The following PIP5K1B variants were observed in gnomAD, a reference collection of about 807,000 sequenced individuals.
The protein encoded by PIP5K1B is phosphatidylinositol 4-phosphate 5-kinase type-1 beta.
Under a neutral mutation model 67.0 loss-of-function variants are expected in PIP5K1B, and 42 were observed. That is an observed-to-expected ratio of 0.63 (90% CI 0.49 to 0.81). PIP5K1B has a LOEUF of 0.81. Among genes scored for constraint, PIP5K1B ranks in the 30% least tolerant of loss-of-function variants. The pLI, the probability that PIP5K1B is intolerant of heterozygous loss-of-function variation, is 0.00. For synonymous variants in PIP5K1B, 214 were observed against 231.4 expected (o/e 0.92, Z 0.68); for missense variants, 459 against 646.3 (o/e 0.71, Z 3.14).
intron 8 of PIP5K1B, among the ~76,000 whole-genome samples, chr9:68,898,833 T>C (rs756929767): frequency 2.6e-5 from 4 of 152,210 alleles, no homozygotes; most frequent in Non-Finnish European, 5.9e-5. Context: ...ACCGTGGTTA[T>C]TCATCACCTG....
chr9:68,933,099 C>CA (rs200948074), intron 12 of PIP5K1B, among the ~76,000 whole-genome samples: 8,914 of 97,934 alleles, frequency 0.091, 355 homozygotes, highest in African/African-American at 0.16. Context: ...AACTCCGTCT[C>CA]AAAAAAAAAA....
chr9:68,785,579 C>T (rs1053587006), intron 2 of PIP5K1B, among the ~76,000 whole-genome samples: 2 of 152,176 alleles, frequency 1.3e-5, no homozygotes, highest in Non-Finnish European at 2.9e-5. Flanking sequence ...GTTCTAAGTG[C>T]TAAGCAAATA....
Position 68,750,075 on chromosome 9 carries a change from A to G in PIP5K1B, c.-86+7418A>G, listed in dbSNP as rs545279583. Among the ~76,000 whole-genome samples, 15 of 152,384 alleles carry G rather than the reference A, an allele frequency of 9.8e-5. 1 individual carries two copies. In the South Asian group the frequency reaches 2.7e-3, roughly 27 times the overall value. On this transcript the variant is annotated intron_variant, in intron 2 of 15. Transcript: ENST00000265382. ...ATGATGTAATATGTGTAAAGGCTTCAGAACAGTGCCTGGCAAATTGCAAAG... is the reference window on the plus strand; with the variant it reads ...ATGATGTAATATGTGTAAAGGCTTCGGAACAGTGCCTGGCAAATTGCAAAG...
intron 3 of PIP5K1B, chr9:68,822,338 A>AG (rs757638282): frequency 1.1e-3 from 270 of 236,024 alleles, no homozygotes; most frequent in Middle Eastern, 2.8e-3. Flanking sequence ...AAAAAAAAAA[A>AG]GCTTTGTAGA....
chr9:68,849,429 G>A (rs538645385), intron 4 of PIP5K1B, among the ~76,000 whole-genome samples: 2 of 152,298 alleles, frequency 1.3e-5, no homozygotes, highest in South Asian at 4.1e-4. Context: ...AACCCAGGCT[G>A]AAGTGCAGCG....
At chr9:68,882,122 C>T (rs1020771154) in intron 6 of PIP5K1B, among the ~76,000 whole-genome samples, 1 of 152,194 alleles carries the variant, frequency 6.6e-6, no homozygotes, top group South Asian at 2.1e-4. Context: ...TACATTAGAA[C>T]AGCTTGCACA....
chr9:68,754,321 C>T (rs1476838575), intron 2 of PIP5K1B, among the ~76,000 whole-genome samples: 2 of 151,816 alleles, frequency 1.3e-5, no homozygotes, highest in Non-Finnish European at 2.9e-5. Context: ...AGGCGCCCGC[C>T]ACCATGCCTG....
chr9:68,939,249 T>C (rs546843827), intron 13 of PIP5K1B, among the ~76,000 whole-genome samples: 19 of 152,324 alleles, frequency 1.2e-4, no homozygotes, highest in Admixed American at 3.3e-4. Context: ...CCCAATGATG[T>C]GTGACCTGAG....
chr9:68,776,298 A>G (rs1377487514), intron 2 of PIP5K1B, among the ~76,000 whole-genome samples: 5 of 152,180 alleles, frequency 3.3e-5, no homozygotes, highest in Non-Finnish European at 5.9e-5. Context: ...ATAGTGAAAA[A>G]TTGCCCTCAG....
chr9:68,918,960 AATAC>A (rs1488045782), intron 9 of PIP5K1B, among the ~76,000 whole-genome samples: 6 of 152,222 alleles, frequency 3.9e-5, no homozygotes, highest in Admixed American at 3.9e-4. Context: ...TTGACTAATA[AATAC>A]ATACACACAC....
intron 1 of PIP5K1B, among the ~76,000 whole-genome samples, chr9:68,739,058 C>T (rs919547443): frequency 2.6e-5 from 4 of 152,228 alleles, no homozygotes; most frequent in African/African-American, 9.6e-5. Flanking sequence ...TCCTGGCCAC[C>T]GTTGGCATTT....
chr9:68,764,954 G>A (rs977484366), intron 2 of PIP5K1B, among the ~76,000 whole-genome samples: 1 of 151,982 alleles, frequency 6.6e-6, no homozygotes, highest in African/African-American at 2.4e-5. Context: ...AAAAAAAGTG[G>A]AGAAGGCCCA....
At chr9:68,708,496 T>C (rs968421235) in intron 1 of PIP5K1B, among the ~76,000 whole-genome samples, 2 of 152,004 alleles carry the variant, frequency 1.3e-5, no homozygotes, top group South Asian at 2.1e-4. Context: ...TCTTTCTCCC[T>C]AGACAGTAGA....
At chr9:68,976,901 G>A (rs893411941) in intron 14 of PIP5K1B, among the ~76,000 whole-genome samples, 1 of 152,154 alleles carries the variant, frequency 6.6e-6, no homozygotes, top group Non-Finnish European at 1.5e-5. Context: ...TCTATGGCCT[G>A]GGGGTTGGGG....
At chr9:68,863,759 C>G (rs1373288543) in intron 4 of PIP5K1B, 78 bp from the exon 5 acceptor site, 2 of 1,246,286 alleles carry the variant, frequency 1.6e-6, no homozygotes, top group Non-Finnish European at 2.2e-6. Flanking sequence ...TTGAACCTCA[C>G]TCATGTTTTG....
chr9:68,809,457 A>G (rs1833043253), intron 2 of PIP5K1B, among the ~76,000 whole-genome samples: 6 of 152,174 alleles, frequency 3.9e-5, no homozygotes. Context: ...AATCCATATA[A>G]ATTTCCACAC....
chr9:68,791,264 G>A (rs1457068402), intron 2 of PIP5K1B, among the ~76,000 whole-genome samples: 1 of 152,214 alleles, frequency 6.6e-6, no homozygotes, highest in Non-Finnish European at 1.5e-5. Context: ...TTTTAATGTC[G>A]AGATGCCAAG....
chr9:68,893,016 T>A (rs904385891), intron 7 of PIP5K1B, among the ~76,000 whole-genome samples: 3 of 151,938 alleles, frequency 2.0e-5, no homozygotes, highest in African/African-American at 7.3e-5. Context: ...GAGGTTGCAG[T>A]GAGCCAAGAT....
chr9:68,785,304 A>G (rs1831546882), intron 2 of PIP5K1B, among the ~76,000 whole-genome samples: 2 of 152,314 alleles, frequency 1.3e-5, no homozygotes, highest in Admixed American at 1.3e-4. Context: ...ATCAGCCATG[A>G]CAAAGTATAG....
Sources: gnomAD v4.1 joint callset for allele counts (sites outside exome capture counted in the v4.1 genomes callset) on GRCh38, gnomAD v4.1.1 for gene constraint, MANE v1.5 for transcripts, NCBI Gene and HGNC (gene_info 2026-07-23, HGNC 2026-07-21) for gene names.